Variants in SLCO5A1 observed in about 807,000 individuals in gnomAD.
The protein encoded by SLCO5A1 is organic anion transporter polypeptide-related protein 4.
A neutral mutation model predicts 65.1 loss-of-function variants in SLCO5A1; 39 were observed. The ratio of observed to expected loss-of-function variants is 0.60; its 90% CI spans 0.46 to 0.78. The LOEUF is 0.78. Among genes scored for constraint, SLCO5A1 ranks in the 30% least tolerant of loss-of-function variants. SLCO5A1 has a pLI of 0.00. For synonymous variants in SLCO5A1, 438 were observed against 415.7 expected (o/e 1.05, Z -0.65); for missense variants, 1,029 against 1,069.4 (o/e 0.96, Z 0.53).
chr8:69,763,524 G>A (rs969743113), intron 2 of SLCO5A1, among the ~76,000 whole-genome samples: 6 of 147,642 alleles, frequency 4.1e-5, no homozygotes, highest in African/African-American at 7.4e-5. Context: ...GGAGGCTGAG[G>A]TGGGAAAATC....
intron 2 of SLCO5A1, among the ~76,000 whole-genome samples, chr8:69,804,053 A>G (rs1298903989): frequency 6.6e-6 from 1 of 152,200 alleles, no homozygotes. Flanking sequence ...ATCTTGAAAA[A>G]TAAGAATTCT....
chr8:69,759,511 C>T (rs894401457), intron 3 of SLCO5A1, among the ~76,000 whole-genome samples: 18 of 152,256 alleles, frequency 1.2e-4, no homozygotes, highest in African/African-American at 4.3e-4. Context: ...CCATAACTAC[C>T]TTCTTTTATG....
rs528646194 is a variant in SLCO5A1, at chr8:69,675,402, C to G, written c.2089+1207G>C. On this transcript the variant is annotated intron_variant, in intron 9 of 9. Transcript: ENST00000260126. ...ACGTTGGCCAGGCTGGTCTCGAACT[C>G]CTGACCTCAGGTGATCCACTCACCT... is the stretch of plus-strand genomic sequence containing the variant. Among the ~76,000 whole-genome samples the G allele has an allele frequency of 1.0e-3, 154 of 152,072 alleles. 1 individual carries two copies. The highest frequency in any genetic ancestry group is 5.0e-4 in the Non-Finnish European group (34 of 68,008).
At chr8:69,824,179 G>T (rs1820769836) in intron 2 of SLCO5A1, among the ~76,000 whole-genome samples, 2 of 151,926 alleles carry the variant, frequency 1.3e-5, no homozygotes, top group Admixed American at 6.6e-5. Context: ...AAGCAGGAAA[G>T]ATCCAAAATT....
At chr8:69,748,879 G>T (rs144155467) in intron 4 of SLCO5A1, among the ~76,000 whole-genome samples, 46 of 152,268 alleles carry the variant, frequency 3.0e-4, no homozygotes, top group African/African-American at 9.9e-4. Context: ...AGCCTTTGTG[G>T]TGATGCTGTT....
chr8:69,723,311 G>T (rs975563303), intron 5 of SLCO5A1, among the ~76,000 whole-genome samples: 1 of 152,082 alleles, frequency 6.6e-6, no homozygotes, highest in Non-Finnish European at 1.5e-5. Flanking sequence ...GAGTGCAGTG[G>T]TGCGATCTTG....
chr8:69,804,762 T>A (rs997738289), intron 2 of SLCO5A1, among the ~76,000 whole-genome samples: 15 of 152,134 alleles, frequency 9.9e-5, no homozygotes, highest in African/African-American at 3.6e-4. Context: ...GGCTACCCAC[T>A]CCACCTTACA....
rs988884162 is a variant in SLCO5A1 at position 69,672,481 on chromosome 8, T to G, written c.*388A>C. ...CAGTAGGTGTTCATATCTAAAAACT[T>G]TGATTTGGAAATGCCAAGTCCTGGG... is the stretch of plus-strand genomic sequence containing the variant. On this transcript the variant is annotated 3_prime_UTR_variant, in exon 10 of 10. Coordinates refer to ENST00000260126, the MANE Select transcript of SLCO5A1 (RefSeq NM_030958.3). 1.9e-4 allele frequency: 38 copies of G among 196,038 alleles called. No homozygotes were observed. The highest frequency in any genetic ancestry group is 8.1e-4 in the African/African-American group (35 of 43,026). The allele number at this position is 196,038 out of a possible 1,614,324, so 12.1% of individuals were successfully genotyped here. A position where few individuals can be genotyped will look rare whatever the true frequency, so the allele number is the denominator to read the frequency against.
intron 2 of SLCO5A1, among the ~76,000 whole-genome samples, chr8:69,815,992 T>C (rs1001120491): frequency 1.3e-5 from 2 of 152,200 alleles, no homozygotes; most frequent in Non-Finnish European, 2.9e-5. Flanking sequence ...GAAGACTTCC[T>C]TACTTACAAA....
intron 7 of SLCO5A1, among the ~76,000 whole-genome samples, chr8:69,680,716 C>T (rs879355453): frequency 3.3e-5 from 5 of 152,278 alleles, no homozygotes; most frequent in Middle Eastern, 3.4e-3. Flanking sequence ...CTGCTTTCCA[C>T]GGTGTCTAAG....
intron 8 of SLCO5A1, among the ~76,000 whole-genome samples, chr8:69,677,271 C>A (rs1813589373): frequency 6.6e-6 from 1 of 152,168 alleles, no homozygotes. Context: ...TCCCATGTGA[C>A]AGGAAGATTG....
intron 2 of SLCO5A1, among the ~76,000 whole-genome samples, chr8:69,796,560 T>A (rs1376291802): frequency 1.3e-5 from 2 of 151,990 alleles, no homozygotes; most frequent in Non-Finnish European, 2.9e-5. Context: ...AGGTCTACAG[T>A]GAGCCATGAT....
At chr8:69,830,694 A>C (rs2130929537) in intron 2 of SLCO5A1, among the ~76,000 whole-genome samples, 1 of 152,254 alleles carries the variant, frequency 6.6e-6, no homozygotes, top group East Asian at 1.9e-4. Context: ...CTAGGATGTA[A>C]ATTTTCATAC....
rs780251690 is a variant in SLCO5A1 at position 69,832,451 on chromosome 8, C to T, written c.223G>A (p.Gly75Ser). The change falls in exon 2 of 10, where the codon GGC (glycine) becomes AGC (serine). Residue 75 changes from glycine to serine, a missense_variant. Transcript: ENST00000260126. The surrounding 1 kb of genome is among the most constrained non-coding windows in gnomAD (Gnocchi z 4.5). ...DSSGHQELKQ[G>S]PNPLAPSPSA... is the part of the protein sequence containing the mutation. ...GGACTGGGGGCCAACGGGTTCGGGC[C>T]TTGCTTCAACTCCTGGTGGCCCGAA... The T allele has an allele frequency of 4.5e-5, 73 of 1,612,936 alleles. 1 individual carries two copies. Among genetic ancestry groups the T allele is most frequent in the South Asian group, 8.8e-5 (8 of 90,888 alleles).
chr8:69,701,939 G>A (rs1485348807), intron 6 of SLCO5A1, among the ~76,000 whole-genome samples: 2 of 152,110 alleles, frequency 1.3e-5, no homozygotes, highest in African/African-American at 2.4e-5. Flanking sequence ...AATTTGTAAA[G>A]GTAAAGTGAA....
intron 5 of SLCO5A1, among the ~76,000 whole-genome samples, chr8:69,724,323 A>C (rs971927366): frequency 2.0e-5 from 3 of 152,234 alleles, no homozygotes; most frequent in Non-Finnish European, 4.4e-5. Context: ...TAAAATTAGC[A>C]TACACAAATT....
At chr8:69,675,268 A>C (rs1049906426) in intron 9 of SLCO5A1, among the ~76,000 whole-genome samples, 30 of 150,426 alleles carry the variant, frequency 2.0e-4, no homozygotes, top group Non-Finnish European at 4.3e-4. Flanking sequence ...TCCGCCTCCC[A>C]GGTTCAAGCA....
Position 69,832,614 on chromosome 8 carries a change from A to C in SLCO5A1, c.60T>G (p.Thr20=). ...GAGEQLEAPA[T]AEAVQERCEP... Reference sequence around the variant, plus strand: ...CGCACCTCTCTTGGACAGCTTCTGCAGTGGCCGGCGCCTCCAGCTGCTCTC... The same window carrying C: ...CGCACCTCTCTTGGACAGCTTCTGCCGTGGCCGGCGCCTCCAGCTGCTCTC... Residue 20 remains threonine (T), a synonymous_variant, in exon 2 of 10, where the codon ACT becomes ACG. Coordinates refer to ENST00000260126, the MANE Select transcript of SLCO5A1 (RefSeq NM_030958.3). The surrounding 1 kb of genome is among the most constrained non-coding windows in gnomAD (Gnocchi z 4.5). The C allele has an allele frequency of 6.2e-7, 1 of 1,611,054 alleles. No homozygotes were observed. The highest frequency in any genetic ancestry group is 8.5e-7 in the Non-Finnish European group (1 of 1,179,848).
At chr8:69,803,898 T>A (rs1266970597) in intron 2 of SLCO5A1, among the ~76,000 whole-genome samples, 1 of 151,942 alleles carries the variant, frequency 6.6e-6, no homozygotes, top group Admixed American at 6.5e-5. Flanking sequence ...GCTATGATCA[T>A]GCCACAGCAC....
Sources: gnomAD v4.1 joint callset for allele counts (sites outside exome capture counted in the v4.1 genomes callset) on GRCh38, gnomAD v4.1.1 for gene constraint, Gnocchi (gnomAD v3.1) non-coding constraint, MANE v1.5 for transcripts, NCBI Gene and HGNC (gene_info 2026-07-23, HGNC 2026-07-21) for gene names.